KIF9: variants seen among roughly 807,000 people sequenced by gnomAD.
The protein encoded by KIF9 is kinesin-like protein KIF9.
Under a neutral mutation model 94.8 loss-of-function variants are expected in KIF9, and 68 were observed. That is an observed-to-expected ratio of 0.72 (90% CI 0.59 to 0.88). KIF9 has a LOEUF of 0.88. Among genes scored for constraint, KIF9 ranks in the 40% least tolerant of loss-of-function variants. The pLI, the probability that KIF9 is intolerant of heterozygous loss-of-function variation, is 0.00. For missense variants in KIF9, 882 were observed against 982.5 expected (o/e 0.90, Z 1.37); for synonymous variants, 343 against 362.1 (o/e 0.95, Z 0.60).
intron 10 of KIF9, among the ~76,000 whole-genome samples, chr3:47,255,725 C>A (rs1352375263): frequency 6.6e-6 from 1 of 151,456 alleles, no homozygotes. Context: ...TCTTCGCTCT[C>A]CCTCTCCCTC....
At chr3:47,264,501 A>G (rs1701176108) in intron 8 of KIF9, 151 bp from the exon 9 acceptor site, 1 of 619,410 alleles carries the variant, frequency 1.6e-6, no homozygotes, top group East Asian at 3.0e-5. Context: ...CAGTGACACA[A>G]TCACAGCTCA....
intron 5 of KIF9, among the ~76,000 whole-genome samples, 161 bp from the exon 6 acceptor site, chr3:47,267,424 G>A (rs577380575): frequency 6.6e-6 from 1 of 152,292 alleles, no homozygotes; most frequent in South Asian, 2.1e-4. Context: ...TAGAAAGGGA[G>A]TCAAATTGGA....
chr3:47,256,457 C>T lies in KIF9; in HGVS notation c.1059+1026G>A, dbSNP rs1407452499. 1.9e-3 allele frequency among the ~76,000 whole-genome samples: 285 copies of T among 151,008 alleles called. 2 individuals are homozygous for T. The highest frequency in any genetic ancestry group is 6.6e-3 in the African/African-American group (271 of 41,008). On this transcript the variant is annotated intron_variant, in intron 10 of 20. Transcript: ENST00000684063. ...GAGCATCTCCGCCCGGCAGCCACCC[C>T]GTCCGGGAGGGAGGTGGGGGTCAGC...
At chr3:47,264,449 T>C in intron 8 of KIF9, 99 bp from the exon 9 acceptor site, 1 of 942,422 alleles carries the variant, frequency 1.1e-6, no homozygotes, top group Non-Finnish European at 1.7e-6. Context: ...TTTTATTTGT[T>C]TTTTTGAAAC....
At chr3:47,273,453 C>T in intron 4 of KIF9, 99 bp downstream of exon 4, 2 of 874,780 alleles carry the variant, frequency 2.3e-6, no homozygotes, top group South Asian at 3.3e-5. Context: ...CCTTTGAGGC[C>T]TGGTCCCCAC....
intron 16 of KIF9, among the ~76,000 whole-genome samples, chr3:47,242,281 A>C (rs1182435049): frequency 6.6e-6 from 1 of 152,126 alleles, no homozygotes; most frequent in Non-Finnish European, 1.5e-5. Flanking sequence ...CCCTTTGAGA[A>C]CTCTGGTTAA....
rs888350959 is a variant in KIF9 at position 47,247,294 on chromosome 3, G to A, written c.1233+79C>T. 8 of 922,898 alleles carry A rather than the reference G, an allele frequency of 8.7e-6. No homozygotes were observed. The African/African-American group carries it at 1.1e-4, about 13-fold the overall frequency. 57.2% of individuals were successfully genotyped at this position (922,898 alleles called of 1,614,324 possible). Reference sequence around the variant, plus strand: ...CCATTCACATGAGGCTCTGAGGCCAGCAGAGCATGCGTTGGGGTGTGCCCA... The same window carrying A: ...CCATTCACATGAGGCTCTGAGGCCAACAGAGCATGCGTTGGGGTGTGCCCA... On this transcript the variant is annotated intron_variant, in intron 12 of 20. Coordinates refer to ENST00000684063, the MANE Select transcript of KIF9 (RefSeq NM_182902.4).
At chr3:47,274,710 C>T (rs977690227) in intron 3 of KIF9, among the ~76,000 whole-genome samples, 28 of 152,234 alleles carry the variant, frequency 1.8e-4, no homozygotes, top group African/African-American at 6.5e-4. Flanking sequence ...TTCACCTCCT[C>T]AAGGTCACAA....
intron 20 of KIF9, among the ~76,000 whole-genome samples, chr3:47,229,434 A>AACACACACAC (rs1307649127): frequency 3.9e-5 from 6 of 152,228 alleles, no homozygotes; most frequent in African/African-American, 1.4e-4. Context: ...TACACACACA[A>AACACACACAC]ACACACACAC....
At chr3:47,228,846 A>T (rs73067298) in intron 20 of KIF9, 144 bp from the exon 21 acceptor site, 18,664 of 692,770 alleles carry the variant, frequency 0.027, 338 homozygotes, top group Middle Eastern at 0.05. Context: ...GAGTAGCCCC[A>T]ATTCTCTGAG....
chr3:47,281,546 C>G (rs534482821), intron 1 of KIF9, among the ~76,000 whole-genome samples: 1 of 152,184 alleles, frequency 6.6e-6, no homozygotes, highest in Non-Finnish European at 1.5e-5. Flanking sequence ...CAGGGTTTCG[C>G]CATGTTGCCC....
chr3:47,242,219 G>A (rs1699620895), intron 16 of KIF9, among the ~76,000 whole-genome samples: 3 of 152,266 alleles, frequency 2.0e-5, no homozygotes, highest in African/African-American at 4.8e-5. Context: ...CATGCAGTAT[G>A]TTTAATTTTA....
intron 3 of KIF9, among the ~76,000 whole-genome samples, chr3:47,273,877 C>T (rs1171340552): frequency 1.3e-5 from 2 of 152,190 alleles, no homozygotes; most frequent in Non-Finnish European, 2.9e-5. Flanking sequence ...AATCTGTGGT[C>T]CCCACAATGC....
intron 3 of KIF9, among the ~76,000 whole-genome samples, chr3:47,274,120 G>A (rs1701817159): frequency 6.6e-6 from 1 of 152,232 alleles, no homozygotes; most frequent in Non-Finnish European, 1.5e-5. Context: ...TCCAGGAAGA[G>A]ATGGAGTGGA....
chr3:47,231,520 C>T (rs1698588653), intron 20 of KIF9, among the ~76,000 whole-genome samples: 1 of 147,728 alleles, frequency 6.8e-6, no homozygotes, highest in South Asian at 2.2e-4. Context: ...AAGCAATTCT[C>T]ACACCTCAGC....
chr3:47,230,412 T>C (rs892731946), intron 20 of KIF9, among the ~76,000 whole-genome samples: 2 of 152,014 alleles, frequency 1.3e-5, no homozygotes, highest in African/African-American at 2.4e-5. Flanking sequence ...ACCCAGTCTC[T>C]ATTTTTAAAA....
chr3:47,255,769 C>CT (rs1431985422), intron 10 of KIF9, among the ~76,000 whole-genome samples: 145 of 150,410 alleles, frequency 9.6e-4, no homozygotes, highest in African/African-American at 3.2e-3. Context: ...TCCCCACGGT[C>CT]TCCCTCTCCC....
At chr3:47,240,393 A>C (rs558091117) in intron 17 of KIF9, among the ~76,000 whole-genome samples, 1 of 152,090 alleles carries the variant, frequency 6.6e-6, no homozygotes, top group Non-Finnish European at 1.5e-5. Context: ...CATAGTCCCT[A>C]CCAGCAGCCC....
chr3:47,240,176 A>G (rs772359676), intron 17 of KIF9: 44 of 276,726 alleles, frequency 1.6e-4, no homozygotes, highest in Non-Finnish European at 1.9e-4. Context: ...GGACAAGGAC[A>G]CTGGGTCAGA....
Sources: gnomAD v4.1 joint callset for allele counts (sites outside exome capture counted in the v4.1 genomes callset) on GRCh38, gnomAD v4.1.1 for gene constraint, MANE v1.5 for transcripts, NCBI Gene and HGNC (gene_info 2026-07-23, HGNC 2026-07-21) for gene names.